Variants in SDCCAG8 observed in about 807,000 individuals in gnomAD.
The protein encoded by SDCCAG8 is serologically defined colon cancer antigen 8.
Under a neutral mutation model 101.8 loss-of-function variants are expected in SDCCAG8, and 74 were observed. The ratio of observed to expected loss-of-function variants is 0.73; its 90% CI spans 0.60 to 0.88. The LOEUF is 0.88. Ranked by LOEUF, SDCCAG8 falls within the 40% of genes least tolerant of loss-of-function variation. The pLI is 0.00. For missense variants in SDCCAG8, 787 were observed against 822.6 expected (o/e 0.96, Z 0.53); for synonymous variants, 281 against 292.9 (o/e 0.96, Z 0.41).
At chr1:243,336,075 A>G (rs2074988419) in intron 10 of SDCCAG8, among the ~76,000 whole-genome samples, 1 of 152,158 alleles carries the variant, frequency 6.6e-6, no homozygotes, top group Admixed American at 6.5e-5. Flanking sequence ...TGTCTTTGCT[A>G]TTGTGAATGG....
chr1:243,466,026 T>C (rs1466872764), intron 16 of SDCCAG8, among the ~76,000 whole-genome samples: 1 of 152,218 alleles, frequency 6.6e-6, no homozygotes, highest in Non-Finnish European at 1.5e-5. Flanking sequence ...TCATTACCTA[T>C]TCAATTCATC....
In SDCCAG8 at chr1:243,474,036, C is replaced by T. The variant is rs1348068177; in HGVS notation, c.1986-14978C>T. Among the ~76,000 whole-genome samples the T allele has an allele frequency of 1.3e-5, 2 of 149,706 alleles. No homozygotes were observed. Among genetic ancestry groups the T allele is most frequent in the Non-Finnish European group, 3.0e-5 (2 of 67,780 alleles). On this transcript the variant is annotated intron_variant, in intron 16 of 17. Transcript: ENST00000366541. The surrounding 1 kb of genome is among the most constrained non-coding windows in gnomAD (Gnocchi z 4.7). ...CTAACATAGAAATGTAAACGGGTTGCAGTATTTCTTTGGCCTATTAGCCAA... is the reference window on the plus strand; with the variant it reads ...CTAACATAGAAATGTAAACGGGTTGTAGTATTTCTTTGGCCTATTAGCCAA...
At chr1:243,289,742 C>A (rs2070032727) in intron 5 of SDCCAG8, among the ~76,000 whole-genome samples, 1 of 152,128 alleles carries the variant, frequency 6.6e-6, no homozygotes. Context: ...TAAATACACC[C>A]CGTAGAACCT....
intron 6 of SDCCAG8, among the ~76,000 whole-genome samples, chr1:243,294,472 G>GT (rs955354020): frequency 1.1e-3 from 48 of 44,046 alleles, no homozygotes; most frequent in South Asian, 1.9e-3. Context: ...CCCCCAAAAG[G>GT]TGGGGGGGGG....
chr1:243,266,786 A>AAAAAAGG (rs1469315424), intron 1 of SDCCAG8, among the ~76,000 whole-genome samples: 1 of 137,112 alleles, frequency 7.3e-6, no homozygotes, highest in South Asian at 2.1e-4. Flanking sequence ...CAAAAAAAAA[A>AAAAAAGG]AAAGAAATTA....
chr1:243,427,379 G>A (rs536454904), intron 16 of SDCCAG8, among the ~76,000 whole-genome samples: 10 of 151,866 alleles, frequency 6.6e-5, no homozygotes, highest in African/African-American at 2.2e-4. Context: ...TTTTATCCAT[G>A]TGCCATTTCT....
At chr1:243,317,637 G>T (rs2073375856) in intron 9 of SDCCAG8, among the ~76,000 whole-genome samples, 1 of 152,164 alleles carries the variant, frequency 6.6e-6, no homozygotes, top group South Asian at 2.1e-4. Context: ...GCATCTTTGA[G>T]TCTGGACTTA....
chr1:243,294,482 G>GGGA lies in SDCCAG8; in HGVS notation c.675+1264_675+1265insGAG, dbSNP rs1259035129. Among the ~76,000 whole-genome samples, 213 of 99,978 alleles carry GGGA rather than the reference G, an allele frequency of 2.1e-3. 1 individual carries two copies. The highest frequency in any genetic ancestry group is 9.2e-3 in the African/African-American group (203 of 22,118). 65.6% of individuals were successfully genotyped at this position (99,978 alleles called of 152,430 possible). A position where few individuals can be genotyped will look rare whatever the true frequency, so the allele number is the denominator to read the frequency against. Reference sequence around the variant, plus strand: ...CACTCCCCCCAAAAGGTGGGGGGGGGGAGAGAGAGAGAGAGAGAAAGAGCG... The same window carrying GGGA: ...CACTCCCCCCAAAAGGTGGGGGGGGGGGAGAGAGAGAGAGAGAGAGAAAGAGCG... On this transcript the variant is annotated intron_variant, in intron 6 of 17. Coordinates refer to ENST00000366541, the MANE Select transcript of SDCCAG8 (RefSeq NM_006642.5).
intron 1 of SDCCAG8, among the ~76,000 whole-genome samples, chr1:243,262,499 T>A (rs748316840): frequency 1.8e-4 from 28 of 152,182 alleles, no homozygotes; most frequent in Non-Finnish European, 3.2e-4. Flanking sequence ...CTACTACTGA[T>A]GAGATAAAAT....
chr1:243,452,409 C>CTTTTTTTTTTTTTTTTTT (rs1558489172), intron 16 of SDCCAG8, among the ~76,000 whole-genome samples: 2 of 121,034 alleles, frequency 1.7e-5, no homozygotes, highest in African/African-American at 3.4e-5. Context: ...GAGATGATCT[C>CTTTTTTTTTTTTTTTTTT]ATCTCTTTTT....
In SDCCAG8 at chr1:243,476,169, C is replaced by T. The variant is rs1055005807; in HGVS notation, c.1986-12845C>T. On this transcript the variant is annotated intron_variant, in intron 16 of 17. Coordinates refer to ENST00000366541, the MANE Select transcript of SDCCAG8 (RefSeq NM_006642.5). ...TTTATTTCTGAGTCACTCTGTTCAG[C>T]TCAATTGGTCGCCTTCAGTTACCGT... The T allele has an allele frequency of 4.0e-5, 39 of 985,346 alleles. No homozygotes were observed. In the Admixed American group the frequency reaches 8.6e-4, roughly 22 times the overall value. 61.0% of individuals were successfully genotyped at this position (985,346 alleles called of 1,614,324 possible). A position where few individuals can be genotyped will look rare whatever the true frequency, so the allele number is the denominator to read the frequency against.
At chr1:243,379,146 CACT>C (rs573094816) in intron 13 of SDCCAG8, among the ~76,000 whole-genome samples, 160 of 152,304 alleles carry the variant, frequency 1.1e-3, no homozygotes, top group African/African-American at 3.6e-3. Context: ...CTCCTACCAC[CACT>C]ACTACCTCTT....
intron 16 of SDCCAG8, among the ~76,000 whole-genome samples, chr1:243,457,862 G>A (rs1483882365): frequency 3.3e-5 from 5 of 152,218 alleles, no homozygotes; most frequent in African/African-American, 4.8e-5. Flanking sequence ...AGGAAACCAG[G>A]AGACAGGGAT....
intron 8 of SDCCAG8, among the ~76,000 whole-genome samples, chr1:243,314,476 GCTTTAC>G (rs1384353685): frequency 6.6e-6 from 1 of 152,160 alleles, no homozygotes; most frequent in Non-Finnish European, 1.5e-5. Flanking sequence ...CTGAGAGGGA[GCTTTAC>G]CTCACCTCTT....
intron 13 of SDCCAG8, among the ~76,000 whole-genome samples, chr1:243,412,201 C>T (rs1432687611): frequency 6.6e-6 from 1 of 152,160 alleles, no homozygotes; most frequent in Non-Finnish European, 1.5e-5. Flanking sequence ...CATTGATTTA[C>T]ATTCTTCTCT....
At chr1:243,369,833 T>C (rs1431703242) in intron 12 of SDCCAG8, among the ~76,000 whole-genome samples, 1 of 152,174 alleles carries the variant, frequency 6.6e-6, no homozygotes, top group Non-Finnish European at 1.5e-5. Context: ...TGACAGATGA[T>C]AACTGGTGTG....
chr1:243,385,558 C>A (rs187325246), intron 13 of SDCCAG8, among the ~76,000 whole-genome samples: 2 of 152,198 alleles, frequency 1.3e-5, no homozygotes, highest in Non-Finnish European at 2.9e-5. Flanking sequence ...AAGGGCATTC[C>A]GTGTAGGGGA....
intron 11 of SDCCAG8, 64 bp from the exon 12 acceptor site, chr1:243,344,151 C>A: frequency 7.6e-7 from 1 of 1,322,808 alleles, no homozygotes; most frequent in Non-Finnish European, 1.1e-6. Context: ...ACCAAAAGAT[C>A]TAATTGCAGG....
intron 13 of SDCCAG8, among the ~76,000 whole-genome samples, chr1:243,398,075 A>G (rs2079137687): frequency 6.6e-6 from 1 of 152,228 alleles, no homozygotes; most frequent in Non-Finnish European, 1.5e-5. Context: ...ACAATGCACA[A>G]TTATTTTGAG....
Sources: allele counts gnomAD v4.1 joint callset (sites outside exome capture counted in the v4.1 genomes callset), GRCh38; gene constraint gnomAD v4.1.1; non-coding constraint Gnocchi (gnomAD v3.1); transcripts MANE v1.5; gene names NCBI Gene and HGNC (gene_info 2026-07-23, HGNC 2026-07-21).